The following EIF2AK4 variants were observed in gnomAD, a reference collection of about 807,000 sequenced individuals.
The protein encoded by EIF2AK4 is eukaryotic translation initiation factor 2 alpha kinase 4.
EIF2AK4 carries 139 observed loss-of-function variants against 211.1 expected under a neutral mutation model. The observed-to-expected ratio is 0.66, with a 90% confidence interval of 0.57 to 0.76. The LOEUF (loss-of-function observed/expected upper bound fraction) is 0.76. Among genes scored for constraint, EIF2AK4 ranks in the 30% least tolerant of loss-of-function variants. EIF2AK4 has a pLI of 0.00. For missense variants in EIF2AK4, 1,664 were observed against 2,043.8 expected (o/e 0.81, Z 3.58); for synonymous variants, 710 against 751.3 (o/e 0.94, Z 0.90).
chr15:39,958,742 G>A (rs1403001445), intron 6 of EIF2AK4, among the ~76,000 whole-genome samples: 1 of 152,102 alleles, frequency 6.6e-6, no homozygotes, highest in Non-Finnish European at 1.5e-5. Context: ...AGACAGGAAG[G>A]TGAGACTATC....
In EIF2AK4 at chr15:39,976,439, G is replaced by T; in HGVS notation, c.1844G>T (p.Cys615Phe). 1 of 1,607,794 alleles carries T rather than the reference G, an allele frequency of 6.2e-7. No individual in the cohort carries two copies. The highest frequency in any genetic ancestry group is 8.5e-7 in the Non-Finnish European group (1 of 1,177,658). Residue 615 changes from cysteine (C) to phenylalanine (F), a missense_variant, in exon 12 of 39, where the codon TGC (cysteine) becomes TTC (phenylalanine). Physicochemically the swap from Cys to Phe is radical, Grantham distance 205 (BLOSUM62 -2). Coordinates refer to ENST00000263791, the MANE Select transcript of EIF2AK4 (RefSeq NM_001013703.4). ...GTGCAGAACAAGTTGGACGGCTGCT[G>T]CTACGCAGTGAAGCGCATCCCCATC... The part of the protein sequence containing the change: ...IKVQNKLDGC[C>F]YAVKRIPINP...
chr15:39,939,672 A>G lies in EIF2AK4; in HGVS notation c.257+55A>G, dbSNP rs1045158346. 6 of 1,378,980 alleles carry G rather than the reference A, an allele frequency of 4.4e-6. No individual in the cohort carries two copies. The Admixed American group carries it at 9.9e-5, about 23-fold the overall frequency. 85.4% of individuals were successfully genotyped at this position (1,378,980 alleles called of 1,614,324 possible). A position where few individuals can be genotyped will look rare whatever the true frequency, so the allele number is the denominator to read the frequency against. ...GGTTTCAGTTTTCTGTTTTGACAACATAGAAACAGATTGAAATTCGTAGTA... is the reference window on the plus strand; with the variant it reads ...GGTTTCAGTTTTCTGTTTTGACAACGTAGAAACAGATTGAAATTCGTAGTA... On this transcript the variant is annotated intron_variant, in intron 2 of 38. Transcript: ENST00000263791.
intron 13 of EIF2AK4, among the ~76,000 whole-genome samples, chr15:39,984,250 T>C (rs1191357688): frequency 1.3e-5 from 2 of 152,264 alleles, no homozygotes; most frequent in African/African-American, 4.8e-5. Flanking sequence ...TTTTGGTTAC[T>C]GTAGCCTTGT....
At chr15:39,988,551 G>C (rs965195471) in intron 15 of EIF2AK4, among the ~76,000 whole-genome samples, 1 of 152,038 alleles carries the variant, frequency 6.6e-6, no homozygotes, top group Non-Finnish European at 1.5e-5. Context: ...GCCTATGGCT[G>C]TTTTTTTTCC....
intron 4 of EIF2AK4, 132 bp downstream of exon 4, chr15:39,949,400 A>G (rs1224821758): frequency 3.8e-6 from 5 of 1,326,000 alleles, no homozygotes; most frequent in Non-Finnish European, 5.1e-6. Context: ...AAAGGTAGAC[A>G]CATGTGAGAG....
intron 21 of EIF2AK4, chr15:40,002,461 G>A: frequency 2.3e-6 from 1 of 429,804 alleles, no homozygotes; most frequent in Non-Finnish European, 4.2e-6. Context: ...ATATCAATGT[G>A]GCCAAGAATT....
intron 27 of EIF2AK4, among the ~76,000 whole-genome samples, chr15:40,011,961 C>T (rs1455504985): frequency 1.3e-5 from 2 of 152,142 alleles, no homozygotes; most frequent in African/African-American, 4.8e-5. Context: ...AGTAGCTGAA[C>T]AACAGAATAC....
chr15:40,002,719 T>C lies in EIF2AK4; in HGVS notation c.3166T>C (p.Phe1056Leu). ...TTAATCGGTCCTGTTTTAGGGCAAC[T>C]TCTCAATCCGTACAGCCAAGATGCA... ...TYDSDILKGN[F>L]SIRTAKMQQH... Residue 1056 changes from phenylalanine (F) to leucine (L), a missense_variant, in exon 22 of 39, where the codon TTC (phenylalanine) becomes CTC (leucine). By Grantham distance (22) the Phe-to-Leu change is conservative (BLOSUM62 0). This residue lies in a region of EIF2AK4 where 622 missense variants were observed against 796.8 expected (regional missense o/e 0.78). Coordinates refer to ENST00000263791, the MANE Select transcript of EIF2AK4 (RefSeq NM_001013703.4). 6.2e-7 allele frequency: 1 copy of C among 1,614,222 alleles called. No individual in the cohort carries two copies.
intron 3 of EIF2AK4, among the ~76,000 whole-genome samples, chr15:39,947,682 G>T (rs1376135643): frequency 2.0e-5 from 3 of 152,156 alleles, no homozygotes; most frequent in Admixed American, 2.0e-4. Context: ...GAAAATCAGG[G>T]TGAGCGGTCT....
At position 39,988,010 on chromosome 15, in the gene EIF2AK4, C is replaced by T. The variant is rs1199542196; in HGVS notation, c.2431C>T (p.Arg811Ter). The change falls in exon 15 of 39, where the codon CGA (arginine) becomes TGA (stop). Residue 811 changes from arginine to a stop codon, truncating the protein, a stop_gained. Coordinates refer to ENST00000263791, the MANE Select transcript of EIF2AK4 (RefSeq NM_001013703.4). LOFTEE classifies it high-confidence loss of function. The part of the protein sequence containing the change: ...QMEYCEKSTL[R>*]DTIDQGLYRD... ...GGAGTACTGTGAGAAGAGCACTTTA[C>T]GAGACACCATTGACCAGGGACTGTA... The T allele has an allele frequency of 3.1e-6, 5 of 1,614,126 alleles. No individual in the cohort carries two copies. Among genetic ancestry groups the T allele is most frequent in the Non-Finnish European group, 4.2e-6 (5 of 1,180,006 alleles).
intron 3 of EIF2AK4, among the ~76,000 whole-genome samples, chr15:39,945,712 G>C (rs773529612): frequency 6.6e-6 from 1 of 152,188 alleles, no homozygotes; most frequent in Non-Finnish European, 1.5e-5. Context: ...GTCAGTGTGT[G>C]GCTTCAAAGC....
At chr15:39,943,582 C>G in intron 3 of EIF2AK4, 97 bp downstream of exon 3, 1 of 925,812 alleles carries the variant, frequency 1.1e-6, no homozygotes, top group Non-Finnish European at 1.7e-6. Flanking sequence ...TTTATTGGTT[C>G]TACAAAAGGG....
chr15:39,996,006 C>T lies in EIF2AK4; in HGVS notation c.2767-958C>T, dbSNP rs550744125. On this transcript the variant is annotated intron_variant, in intron 18 of 38. Transcript: ENST00000263791. ...AATGCGTGCCCTTTGACCAGCACCT[C>T]CCCTTGACCCCCAGTCCCCAGCCCC... Among the ~76,000 whole-genome samples, 21 of 152,206 alleles carry T rather than the reference C, an allele frequency of 1.4e-4. No individual in the cohort carries two copies. The South Asian group carries it at 4.1e-3, about 30-fold the overall frequency.
At chr15:39,937,644 C>G (rs920770759) in intron 1 of EIF2AK4, among the ~76,000 whole-genome samples, 2 of 151,748 alleles carry the variant, frequency 1.3e-5, no homozygotes, top group African/African-American at 2.4e-5. Context: ...TACTAAAAAC[C>G]AAATTCGTCA....
intron 27 of EIF2AK4, among the ~76,000 whole-genome samples, chr15:40,015,779 A>G (rs897492510): frequency 6.6e-6 from 1 of 152,256 alleles, no homozygotes; most frequent in Non-Finnish European, 1.5e-5. Context: ...ACTTGCCTAC[A>G]GTCTTAAAAT....
intron 14 of EIF2AK4, 23 bp downstream of exon 14, chr15:39,985,911 G>C (rs760800182): frequency 1.2e-6 from 2 of 1,608,028 alleles, no homozygotes; most frequent in African/African-American, 2.7e-5. Context: ...TGTGTAGTTA[G>C]GTGACACAGC....
At chr15:39,986,990 T>C (rs1236800407) in intron 14 of EIF2AK4, among the ~76,000 whole-genome samples, 1 of 152,198 alleles carries the variant, frequency 6.6e-6, no homozygotes, top group African/African-American at 2.4e-5. Flanking sequence ...GATACAGAAC[T>C]GGGCAGAAAA....
In EIF2AK4 at chr15:40,012,447, T is replaced by C. The variant is rs374996901; in HGVS notation, c.3759+1101T>C. 5.9e-5 allele frequency among the ~76,000 whole-genome samples: 9 copies of C among 152,294 alleles called. No individual in the cohort carries two copies. In the South Asian group the frequency reaches 6.2e-4, roughly 11 times the overall value. On this transcript the variant is annotated intron_variant, in intron 27 of 38. Coordinates refer to ENST00000263791, the MANE Select transcript of EIF2AK4 (RefSeq NM_001013703.4). ...AATATTGGGGGAGATAGTAATGATATGCAAAGTAACACAACAGCTAAATAT... is the reference window on the plus strand; with the variant it reads ...AATATTGGGGGAGATAGTAATGATACGCAAAGTAACACAACAGCTAAATAT...
intron 13 of EIF2AK4, among the ~76,000 whole-genome samples, chr15:39,982,141 G>T (rs893113552): frequency 7.2e-5 from 11 of 152,124 alleles, no homozygotes; most frequent in African/African-American, 2.7e-4. Context: ...AGCCAGGATG[G>T]TCTCGATCTC....
Sources: allele counts gnomAD v4.1 joint callset (sites outside exome capture counted in the v4.1 genomes callset), GRCh38; gene constraint gnomAD v4.1.1; regional missense constraint gnomAD v4.1.1; transcripts MANE v1.5; gene names NCBI Gene and HGNC (gene_info 2026-07-23, HGNC 2026-07-21).